Variants in MTMR7 observed in about 807,000 individuals in gnomAD.
The protein encoded by MTMR7 is myotubularin related protein 7.
A neutral mutation model predicts 81.2 loss-of-function variants in MTMR7; 76 were observed. The ratio of observed to expected loss-of-function variants is 0.94; its 90% CI spans 0.78 to 1.13. MTMR7 has a LOEUF of 1.13. Ranked by LOEUF, MTMR7 falls within the 50% of genes most tolerant of loss-of-function variation. The pLI is 0.00. For synonymous variants in MTMR7, 372 were observed against 289.8 expected (o/e 1.28, Z -2.88); for missense variants, 1,044 against 820.0 (o/e 1.27, Z -3.34).
intron 5 of MTMR7, 92 bp downstream of exon 5, chr8:17,348,861 C>A: frequency 6.8e-7 from 1 of 1,465,044 alleles, no homozygotes; most frequent in Non-Finnish European, 9.5e-7. Flanking sequence ...TTCAAACACA[C>A]ACACACGCAC....
At chr8:17,304,592 C>A in intron 11 of MTMR7, 73 bp from the exon 12 acceptor site, 2 of 1,488,352 alleles carry the variant, frequency 1.3e-6, no homozygotes, top group South Asian at 1.2e-5. Context: ...TATATTAATG[C>A]TGGAAAGGAA....
At chr8:17,396,414 G>A (rs1490253569) in intron 1 of MTMR7, among the ~76,000 whole-genome samples, 1 of 152,212 alleles carries the variant, frequency 6.6e-6, no homozygotes, top group East Asian at 1.9e-4. Context: ...CTCCTACGTG[G>A]AAAAAGAATC....
intron 13 of MTMR7, chr8:17,301,769 T>G: frequency 4.4e-6 from 1 of 229,112 alleles, no homozygotes; most frequent in South Asian, 1.3e-4. Flanking sequence ...TAGATTAATA[T>G]CATAGTTAAC....
chr8:17,344,989 A>C (rs1169689061), intron 5 of MTMR7, among the ~76,000 whole-genome samples: 2 of 152,118 alleles, frequency 1.3e-5, no homozygotes, highest in African/African-American at 2.4e-5. Context: ...TAGCGTAATA[A>C]AGAACAAAGG....
Position 17,361,212 on chromosome 8 carries a change from G to C in MTMR7, c.373C>G (p.Gln125Glu). 2 of 1,614,080 alleles carry C rather than the reference G, an allele frequency of 1.2e-6. No individual in the cohort carries two copies. Among genetic ancestry groups the C allele is most frequent in the South Asian group, 2.2e-5 (2 of 91,084 alleles). The change falls in exon 4 of 14, where the codon CAA becomes GAA. Residue 125 changes from glutamine to glutamate, a missense_variant. Physicochemically the swap from Gln to Glu is conservative, Grantham distance 29. Coordinates refer to ENST00000180173, the MANE Select transcript of MTMR7 (RefSeq NM_004686.5). ...CTAAGATCGATCAGCACCCAGCCTTGCTCTCTTTCTTCTTTATCCAGCATG... is the reference window on the plus strand; with the variant it reads ...CTAAGATCGATCAGCACCCAGCCTTCCTCTCTTTCTTCTTTATCCAGCATG... ...NPMLDKEERE[Q>E]GWVLIDLSEE...
At chr8:17,328,968 T>A (rs762454310) in intron 7 of MTMR7, among the ~76,000 whole-genome samples, 9 of 152,212 alleles carry the variant, frequency 5.9e-5, no homozygotes, top group Non-Finnish European at 1.0e-4. Context: ...GTGAACTTGG[T>A]CCTAGATTTC....
At chr8:17,401,811 G>GA in intron 1 of MTMR7, among the ~76,000 whole-genome samples, 1 of 152,190 alleles carries the variant, frequency 6.6e-6, no homozygotes, top group East Asian at 1.9e-4. Flanking sequence ...AGACGAGAGG[G>GA]AATCAGCTCA....
intron 13 of MTMR7, chr8:17,301,719 AAAGAT>A (rs1414615343): frequency 5.9e-6 from 1 of 168,998 alleles, no homozygotes; most frequent in Non-Finnish European, 1.3e-5. Flanking sequence ...ATAGAAGCCA[AAAGAT>A]AAGACTTTAC....
chr8:17,398,253 G>C (rs915148594), intron 1 of MTMR7, among the ~76,000 whole-genome samples: 2 of 152,150 alleles, frequency 1.3e-5, no homozygotes, highest in Non-Finnish European at 2.9e-5. Flanking sequence ...CCTTCAGACA[G>C]ACAATTCAAA....
At position 17,396,252 on chromosome 8, in the gene MTMR7, A is replaced by G. The variant is rs116570182; in HGVS notation, c.24+17017T>C. Among the ~76,000 whole-genome samples the G allele has an allele frequency of 6.6e-3, 1,002 of 152,270 alleles. 16 individuals are homozygous for G. Among genetic ancestry groups the G allele is most frequent in the African/African-American group, 0.023 (955 of 41,554 alleles). The stretch of plus-strand genomic sequence containing the variant: ...CAACTACACACAAAAAAGCACCATC[A>G]TAAGAACCAAAAATCAGGTGAGCTA... On this transcript the variant is annotated intron_variant, in intron 1 of 13. Coordinates refer to ENST00000180173, the MANE Select transcript of MTMR7 (RefSeq NM_004686.5).
chr8:17,373,434 T>C (rs1295990924), intron 1 of MTMR7, among the ~76,000 whole-genome samples, 194 bp from the exon 2 acceptor site: 1 of 152,176 alleles, frequency 6.6e-6, no homozygotes, highest in Non-Finnish European at 1.5e-5. Context: ...AAGATGAACA[T>C]TCACCAGTTA....
intron 1 of MTMR7, among the ~76,000 whole-genome samples, chr8:17,387,194 T>A (rs1271776529): frequency 3.3e-5 from 5 of 152,194 alleles, no homozygotes; most frequent in Admixed American, 1.3e-4. Flanking sequence ...TCCCAGGTAT[T>A]CCGATATCCC....
chr8:17,305,017 A>C (rs1817361564), intron 11 of MTMR7, among the ~76,000 whole-genome samples: 1 of 152,158 alleles, frequency 6.6e-6, no homozygotes, highest in South Asian at 2.1e-4. Flanking sequence ...TTGGCTAGTC[A>C]GGTACAAGAA....
chr8:17,313,755 T>TTGGG (rs1399824670), intron 7 of MTMR7, among the ~76,000 whole-genome samples: 3 of 151,760 alleles, frequency 2.0e-5, no homozygotes, highest in African/African-American at 7.3e-5. Flanking sequence ...GGAATATGAA[T>TTGGG]TGGGAGTGCT....
intron 3 of MTMR7, among the ~76,000 whole-genome samples, chr8:17,363,218 T>G (rs1169917092): frequency 4.6e-5 from 7 of 152,200 alleles, no homozygotes; most frequent in Non-Finnish European, 1.5e-5. Flanking sequence ...GACACATCTT[T>G]TCCATCTCTA....
chr8:17,327,900 ATACAG>A (rs1429098687), intron 7 of MTMR7, among the ~76,000 whole-genome samples: 2 of 152,228 alleles, frequency 1.3e-5, no homozygotes, highest in African/African-American at 4.8e-5. Flanking sequence ...TTTTTCATCT[ATACAG>A]TACAGATAAT....
At chr8:17,365,763 A>G (rs1273839036) in intron 3 of MTMR7, among the ~76,000 whole-genome samples, 1 of 152,248 alleles carries the variant, frequency 6.6e-6, no homozygotes, top group Non-Finnish European at 1.5e-5. Context: ...AGTATCATAT[A>G]TTATCTAATT....
intron 7 of MTMR7, among the ~76,000 whole-genome samples, chr8:17,325,030 G>A (rs1818604215): frequency 6.6e-6 from 1 of 152,132 alleles, no homozygotes; most frequent in African/African-American, 2.4e-5. Context: ...ACAAAGGGCT[G>A]AGTCCATCTT....
At chr8:17,381,918 A>C (rs1226311468) in intron 1 of MTMR7, among the ~76,000 whole-genome samples, 1 of 152,198 alleles carries the variant, frequency 6.6e-6, no homozygotes, top group Non-Finnish European at 1.5e-5. Context: ...TGCTGGGAGC[A>C]GGCAGTTTAG....
Sources: allele counts gnomAD v4.1 joint callset (sites outside exome capture counted in the v4.1 genomes callset), GRCh38; gene constraint gnomAD v4.1.1; transcripts MANE v1.5; gene names NCBI Gene and HGNC (gene_info 2026-07-23, HGNC 2026-07-21).